Variants in ZSWIM6 observed in about 807,000 individuals in gnomAD.
ZSWIM6 encodes the protein zinc finger SWIM-type containing 6.
Under a neutral mutation model 113.2 loss-of-function variants are expected in ZSWIM6, and 9 were observed. The ratio of observed to expected loss-of-function variants is 0.08; its 90% CI spans 0.05 to 0.14. The LOEUF is 0.14. Among genes scored for constraint, ZSWIM6 ranks in the 10% least tolerant of loss-of-function variants. The probability of loss-of-function intolerance (pLI) is 1.00; values close to 1 mark genes in which losing one functional copy is unlikely to be tolerated. For synonymous variants in ZSWIM6, 611 were observed against 606.5 expected (o/e 1.01, Z -0.11); for missense variants, 1,162 against 1,552.2 (o/e 0.75, Z 4.22).
At chr5:61,452,589 T>C (rs557279731) in intron 1 of ZSWIM6, among the ~76,000 whole-genome samples, 11 of 152,320 alleles carry the variant, frequency 7.2e-5, no homozygotes, top group African/African-American at 2.6e-4. Context: ...TAAAACTTTG[T>C]ATTTTGAAAT....
chr5:61,425,179 C>T (rs1284335946), intron 1 of ZSWIM6, among the ~76,000 whole-genome samples: 1 of 151,988 alleles, frequency 6.6e-6, no homozygotes, highest in East Asian at 1.9e-4. Flanking sequence ...TTTCTGTACC[C>T]CTAAGGAAGA....
intron 1 of ZSWIM6, among the ~76,000 whole-genome samples, chr5:61,377,158 A>G (rs1579962221): frequency 1.3e-5 from 2 of 152,234 alleles, no homozygotes; most frequent in South Asian, 2.1e-4. Flanking sequence ...CACACAGAAC[A>G]TGATAAAAGT....
chr5:61,419,416 G>T (rs1238036293), intron 1 of ZSWIM6, among the ~76,000 whole-genome samples: 1 of 152,176 alleles, frequency 6.6e-6, no homozygotes, highest in East Asian at 1.9e-4. Flanking sequence ...CTATTAAGTT[G>T]ATTTTCATTT....
At chr5:61,433,475 GT>G (rs548695220) in intron 1 of ZSWIM6, among the ~76,000 whole-genome samples, 198 of 143,632 alleles carry the variant, frequency 1.4e-3, no homozygotes, top group African/African-American at 3.0e-3. Flanking sequence ...AGACTTAGTT[GT>G]TTTTTTTTTT....
chr5:61,342,028 C>G (rs1030803913), intron 1 of ZSWIM6, among the ~76,000 whole-genome samples: 1 of 151,850 alleles, frequency 6.6e-6, no homozygotes, highest in African/African-American at 2.4e-5. Context: ...TACAGACATG[C>G]GCCATGACGC....
rs1247229060 is a variant in ZSWIM6, at chr5:61,472,564, A to T, written c.677-117A>T. 1 of 731,810 alleles carries T rather than the reference A, an allele frequency of 1.4e-6. No individual in the cohort carries two copies. The highest frequency in any genetic ancestry group is 2.1e-6 in the Non-Finnish European group (1 of 469,786). 45.3% of individuals were successfully genotyped at this position (731,810 alleles called of 1,614,324 possible). On this transcript the variant is annotated intron_variant, in intron 1 of 13. Transcript: ENST00000252744. The surrounding 1 kb of genome is among the most constrained non-coding windows in gnomAD (Gnocchi z 4.1). ...CCTGAATGTTTTTACTTGAATATAGAGGCTGTCATATTTTTTTCTTGCTGC... is the reference window on the plus strand; with the variant it reads ...CCTGAATGTTTTTACTTGAATATAGTGGCTGTCATATTTTTTTCTTGCTGC...
At chr5:61,531,851 G>T in intron 9 of ZSWIM6, 126 bp downstream of exon 9, 3 of 1,061,970 alleles carry the variant, frequency 2.8e-6, no homozygotes, top group Non-Finnish European at 4.0e-6. Context: ...TAGTCATGGG[G>T]TATCAAAGAC....
In ZSWIM6 at chr5:61,332,934, A is replaced by G. The variant is rs1262865395; in HGVS notation, c.662A>G (p.Asn221Ser). The G allele has an allele frequency of 2.3e-6, 3 of 1,325,796 alleles. No homozygotes were observed. Among genetic ancestry groups the G allele is most frequent in the Admixed American group, 2.8e-5 (1 of 35,648 alleles). 82.1% of individuals were successfully genotyped at this position (1,325,796 alleles called of 1,614,324 possible). ...CTGTTGGAAAGCGGCTGCGTAGACA[A>G]CGTCCTGCAAGTCGGTGAGTCACGG... Reference protein sequence around the residue: ...IALLESGCVDNVLQVGFHLSG... With the variant: ...IALLESGCVDSVLQVGFHLSG... The change falls in exon 1 of 14, where the codon AAC becomes AGC. Residue 221 changes from asparagine (N) to serine (S), a missense_variant. Asn to Ser is a conservative substitution (Grantham distance 46). This residue lies in a region of ZSWIM6 where 333 missense variants were observed against 293.4 expected (regional missense o/e 1.13). Coordinates refer to ENST00000252744, the MANE Select transcript of ZSWIM6 (RefSeq NM_020928.2).
Position 61,526,590 on chromosome 5 carries a change from A to AT in ZSWIM6, c.1837+205dup, listed in dbSNP as rs34246689. On this transcript the variant is annotated intron_variant, in intron 7 of 13. Coordinates refer to ENST00000252744, the MANE Select transcript of ZSWIM6 (RefSeq NM_020928.2). ...TCTTAGTTGAATGTTGTAAGCAAAG[A>AT]TTTTTTTTTTTAATCTCTCAGGTTA... Among the ~76,000 whole-genome samples the AT allele has an allele frequency of 0.61, 91,715 of 150,240 alleles. 30,151 individuals carry two copies. Among genetic ancestry groups the AT allele is most frequent in the African/African-American group, 0.87 (35,589 of 41,050 alleles).
intron 1 of ZSWIM6, among the ~76,000 whole-genome samples, chr5:61,342,591 G>T (rs924611487): frequency 6.6e-6 from 1 of 152,292 alleles, no homozygotes; most frequent in Middle Eastern, 3.4e-3. Context: ...TATTCCAGAA[G>T]GTTTAGCTTT....
Position 61,418,261 on chromosome 5 carries a change from T to G in ZSWIM6, c.677-54420T>G, listed in dbSNP as rs530791470. Among the ~76,000 whole-genome samples, 58 of 152,096 alleles carry G rather than the reference T, an allele frequency of 3.8e-4. 1 individual carries two copies. Among genetic ancestry groups the G allele is most frequent in the Non-Finnish European group, 1.5e-4 (10 of 68,002 alleles). ...TTCAATACAGAACTAGTCTATGATT[T>G]ATTTATTTATTTATTTATTTTTTTG... On this transcript the variant is annotated intron_variant, in intron 1 of 13. Transcript: ENST00000252744.
chr5:61,423,382 T>G (rs1746393653), intron 1 of ZSWIM6, among the ~76,000 whole-genome samples: 1 of 149,666 alleles, frequency 6.7e-6, no homozygotes. Flanking sequence ...CATTCCATCC[T>G]GGGCATCAAG....
At chr5:61,525,773 C>T (rs747412655) in intron 5 of ZSWIM6, 27 bp from the exon 6 acceptor site, 22 of 1,550,448 alleles carry the variant, frequency 1.4e-5, no homozygotes, top group Admixed American at 5.9e-5. Flanking sequence ...ATAGCTGACA[C>T]GGCTTTCTGA....
chr5:61,444,312 G>A (rs1293181325), intron 1 of ZSWIM6, among the ~76,000 whole-genome samples: 1 of 152,028 alleles, frequency 6.6e-6, no homozygotes, highest in Non-Finnish European at 1.5e-5. Context: ...ATTCCATGGT[G>A]TATATGTGCC....
intron 7 of ZSWIM6, among the ~76,000 whole-genome samples, chr5:61,528,490 A>T (rs1009382255): frequency 6.6e-6 from 1 of 151,726 alleles, no homozygotes; most frequent in African/African-American, 2.4e-5. Context: ...CCTACTAATT[A>T]TGTTTATGAA....
chr5:61,392,014 T>C, intron 1 of ZSWIM6: 3 of 389,898 alleles, frequency 7.7e-6, no homozygotes, highest in South Asian at 7.1e-5. Flanking sequence ...ATTTCCCTCA[T>C]AGATTGACAT....
At chr5:61,534,136 ATAACT>A (rs879564357) in intron 9 of ZSWIM6, among the ~76,000 whole-genome samples, 13 of 152,226 alleles carry the variant, frequency 8.5e-5, no homozygotes, top group Non-Finnish European at 1.3e-4. Context: ...GTAACAGTTA[ATAACT>A]TAAATAATGT....
At chr5:61,386,179 A>T (rs1202372237) in intron 1 of ZSWIM6, among the ~76,000 whole-genome samples, 1 of 152,226 alleles carries the variant, frequency 6.6e-6, no homozygotes, top group Non-Finnish European at 1.5e-5. Context: ...GATATGCCAT[A>T]CATTTAGAGT....
At chr5:61,484,838 G>A (rs1177988228) in intron 2 of ZSWIM6, among the ~76,000 whole-genome samples, 1 of 152,166 alleles carries the variant, frequency 6.6e-6, no homozygotes, top group Non-Finnish European at 1.5e-5. Context: ...GGATCCTGGA[G>A]TATGTTCATC....
Sources: gnomAD v4.1 joint callset for allele counts (sites outside exome capture counted in the v4.1 genomes callset) on GRCh38, gnomAD v4.1.1 for gene constraint, gnomAD v4.1.1 regional missense constraint, Gnocchi (gnomAD v3.1) non-coding constraint, MANE v1.5 for transcripts, NCBI Gene and HGNC (gene_info 2026-07-23, HGNC 2026-07-21) for gene names.